Variants in ZFPM2 observed in about 807,000 individuals in gnomAD.
ZFPM2 encodes the protein zinc finger protein ZFPM2.
A neutral mutation model predicts 98.6 loss-of-function variants in ZFPM2; 20 were observed. The ratio of observed to expected loss-of-function variants is 0.20; its 90% confidence interval spans 0.14 to 0.29. ZFPM2 has a LOEUF of 0.29. Among genes scored for constraint, ZFPM2 ranks in the 10% least tolerant of loss-of-function variants. ZFPM2 has a pLI of 1.00. For synonymous variants in ZFPM2, 518 were observed against 502.7 expected (o/e 1.03, Z -0.41); for missense variants, 1,310 against 1,388.6 (o/e 0.94, Z 0.90).
In ZFPM2 at chr8:105,788,780, G is replaced by C; in HGVS notation, c.595G>C (p.Val199Leu). 2 of 1,613,998 alleles carry C rather than the reference G, an allele frequency of 1.2e-6. No individual in the cohort carries two copies. The highest frequency in any genetic ancestry group is 1.7e-6 in the Non-Finnish European group (2 of 1,179,886). Residue 199 changes from valine (V) to leucine (L), a missense_variant, in exon 6 of 8, where the codon GTG (valine) becomes CTG (leucine). Physicochemically the swap from Val to Leu is conservative, Grantham distance 32. Coordinates refer to ENST00000407775, the MANE Select transcript of ZFPM2 (RefSeq NM_012082.4). The stretch of plus-strand genomic sequence containing the variant: ...TGAGGGTGAAGAGCTAATTGCCTTT[G>C]TGGTGGATTTTGACTCAAGGCTACA... ...ISEGEELIAF[V>L]VDFDSRLQAA...
rs117419324 is a variant in ZFPM2, at chr8:105,687,092, A to G, written c.532+52735A>G. ...CTAACTGCAGGTCACATGCTTCTCC[A>G]TGCTGTTTTTCCCTTTGTCTGGCTA... On this transcript the variant is annotated intron_variant, in intron 5 of 7. Transcript: ENST00000407775. 9.2e-3 allele frequency among the ~76,000 whole-genome samples: 1,406 copies of G among 152,206 alleles called. 68 individuals carry two copies. The highest frequency in any genetic ancestry group is 0.072 in the Admixed American group (1,105 of 15,282).
chr8:105,768,519 C>T (rs1206846257), intron 5 of ZFPM2, among the ~76,000 whole-genome samples: 1 of 151,880 alleles, frequency 6.6e-6, no homozygotes, highest in African/African-American at 2.4e-5. Context: ...GATAAAGATC[C>T]TTTCTTGAAG....
intron 5 of ZFPM2, among the ~76,000 whole-genome samples, chr8:105,647,122 G>C (rs1206910008): frequency 6.6e-6 from 1 of 152,134 alleles, no homozygotes; most frequent in Non-Finnish European, 1.5e-5. Flanking sequence ...AAATCTGCCT[G>C]CTTCTTGTTG....
At chr8:105,685,593 C>CCT (rs1810714919) in intron 5 of ZFPM2, among the ~76,000 whole-genome samples, 1 of 151,758 alleles carries the variant, frequency 6.6e-6, no homozygotes, top group Non-Finnish European at 1.5e-5. Context: ...CCAGCAATGC[C>CCT]CTAGTATCTT....
chr8:105,568,416 C>T (rs1815284142), intron 4 of ZFPM2, among the ~76,000 whole-genome samples: 3 of 152,216 alleles, frequency 2.0e-5, no homozygotes, highest in South Asian at 2.1e-4. Context: ...ACCTCTCCTT[C>T]TCACATCTCA....
intron 4 of ZFPM2, among the ~76,000 whole-genome samples, chr8:105,578,003 A>G (rs1815505576): frequency 1.3e-5 from 2 of 152,124 alleles, no homozygotes; most frequent in Non-Finnish European, 2.9e-5. Flanking sequence ...TTTGGATTCC[A>G]GTATTTATCT....
At chr8:105,561,753 C>T (rs1243803831) in intron 4 of ZFPM2, among the ~76,000 whole-genome samples, 2 of 152,050 alleles carry the variant, frequency 1.3e-5, no homozygotes, top group African/African-American at 4.8e-5. Flanking sequence ...TTAGCCAGAC[C>T]AAGACTGTTC....
chr8:105,747,014 A>G (rs1031583854), intron 5 of ZFPM2, among the ~76,000 whole-genome samples: 1 of 152,104 alleles, frequency 6.6e-6, no homozygotes, highest in African/African-American at 2.4e-5. Flanking sequence ...TGGGGGAAAA[A>G]AACTTCAAAT....
At chr8:105,490,904 A>G (rs1813343797) in intron 3 of ZFPM2, among the ~76,000 whole-genome samples, 1 of 152,180 alleles carries the variant, frequency 6.6e-6, no homozygotes, top group African/African-American at 2.4e-5. Flanking sequence ...CTTTTAAAGG[A>G]CAATATTTAA....
chr8:105,535,341 G>T (rs1183509090), intron 3 of ZFPM2, among the ~76,000 whole-genome samples: 2 of 152,122 alleles, frequency 1.3e-5, no homozygotes, highest in African/African-American at 2.4e-5. Flanking sequence ...TCTCTTAGAA[G>T]CCAGTGTTTC....
At position 105,505,962 on chromosome 8, in the gene ZFPM2, T is replaced by A. The variant is rs73304135; in HGVS notation, c.302-55401T>A. ...ACTCTTTTTTTAACAATGATATTTT[T>A]AAAGCAGGAATAAATCTGTTTCCAA... On this transcript the variant is annotated intron_variant, in intron 3 of 7. Transcript: ENST00000407775. Among the ~76,000 whole-genome samples the A allele has an allele frequency of 2.3e-3, 343 of 152,282 alleles. 3 individuals are homozygous for A. The highest frequency in any genetic ancestry group is 7.8e-3 in the African/African-American group (325 of 41,558).
rs1326547143 is a variant in ZFPM2, at chr8:105,330,559, T to C, written c.40+11578T>C. Among the ~76,000 whole-genome samples, 199 of 117,296 alleles carry C rather than the reference T, an allele frequency of 1.7e-3. 1 individual carries two copies. Among genetic ancestry groups the C allele is most frequent in the African/African-American group, 4.7e-3 (136 of 29,230 alleles). 77.0% of individuals were successfully genotyped at this position (117,296 alleles called of 152,430 possible). A position where few individuals can be genotyped will look rare whatever the true frequency, so the allele number is the denominator to read the frequency against. ...CTCTCTATATATATATATACATATA[T>C]ATATATATACATATATATATACATA... is the stretch of plus-strand genomic sequence containing the variant. On this transcript the variant is annotated intron_variant, in intron 1 of 7. Coordinates refer to ENST00000407775, the MANE Select transcript of ZFPM2 (RefSeq NM_012082.4).
chr8:105,594,918 A>G (rs908129757), intron 4 of ZFPM2, among the ~76,000 whole-genome samples: 1 of 152,136 alleles, frequency 6.6e-6, no homozygotes, highest in Non-Finnish European at 1.5e-5. Context: ...TCAGATACAT[A>G]AACATATAAC....
intron 5 of ZFPM2, among the ~76,000 whole-genome samples, chr8:105,677,476 A>G (rs1443933951): frequency 6.6e-6 from 1 of 152,236 alleles, no homozygotes; most frequent in African/African-American, 2.4e-5. Flanking sequence ...CAAAACAATG[A>G]TATTGCTAAA....
intron 5 of ZFPM2, among the ~76,000 whole-genome samples, chr8:105,665,489 A>C (rs1378690389): frequency 1.3e-5 from 2 of 152,190 alleles, no homozygotes; most frequent in East Asian, 3.8e-4. Flanking sequence ...AGTTTTGATA[A>C]AATCATAATT....
chr8:105,691,699 T>G (rs1385869609), intron 5 of ZFPM2, among the ~76,000 whole-genome samples: 1 of 152,212 alleles, frequency 6.6e-6, no homozygotes, highest in African/African-American at 2.4e-5. Flanking sequence ...TTCTTCTTGT[T>G]TATTGTGTAT....
intron 4 of ZFPM2, among the ~76,000 whole-genome samples, chr8:105,574,656 A>C (rs1426854282): frequency 1.3e-5 from 2 of 152,138 alleles, no homozygotes; most frequent in Non-Finnish European, 2.9e-5. Flanking sequence ...GAGGCACGTC[A>C]CGTGCCTTAA....
chr8:105,619,622 G>A (rs1027257979), intron 4 of ZFPM2, among the ~76,000 whole-genome samples: 1 of 151,978 alleles, frequency 6.6e-6, no homozygotes, highest in Non-Finnish European at 1.5e-5. Context: ...CCATGTTGGT[G>A]TGCTGCACTT....
chr8:105,530,992 T>C (rs1814286125), intron 3 of ZFPM2, among the ~76,000 whole-genome samples: 1 of 152,222 alleles, frequency 6.6e-6, no homozygotes, highest in Admixed American at 6.5e-5. Flanking sequence ...GAAGTGTTGA[T>C]GTTTGACTCA....
Sources: allele counts gnomAD v4.1 joint callset (sites outside exome capture counted in the v4.1 genomes callset), GRCh38; gene constraint gnomAD v4.1.1; transcripts MANE v1.5; gene names NCBI Gene and HGNC (gene_info 2026-07-23, HGNC 2026-07-21).